Variants in TLE6 observed in about 807,000 individuals in gnomAD.
The protein encoded by TLE6 is transducin-like enhancer protein 6.
TLE6 carries 72 observed loss-of-function variants against 77.1 expected under a neutral mutation model. The ratio of observed to expected loss-of-function variants is 0.93; its 90% confidence interval spans 0.77 to 1.14. The LOEUF (loss-of-function observed/expected upper bound fraction) is 1.14. Ranked by LOEUF, TLE6 falls within the 50% of genes most tolerant of loss-of-function variation. The probability of loss-of-function intolerance (pLI) is 0.00; values close to 1 mark genes in which losing one functional copy is unlikely to be tolerated. For synonymous variants in TLE6, 366 were observed against 287.3 expected, an observed-to-expected ratio of 1.27 and a Z score of -2.77; for missense variants, 843 against 747.6, an observed-to-expected ratio of 1.13 and a Z score of -1.49.
At chr19:2,985,957 C>A (rs1248943670) in intron 5 of TLE6, among the ~76,000 whole-genome samples, 2 of 149,892 alleles carry the variant, frequency 1.3e-5, no homozygotes, top group East Asian at 4.1e-4. Context: ...CGCCTGTAAT[C>A]CAGCTACTTG....
Position 2,988,947 on chromosome 19 carries a change from G to A in TLE6, c.741-114G>A, listed in dbSNP as rs562024095. On this transcript the variant is annotated intron_variant, in intron 11 of 16. Coordinates refer to ENST00000246112, the MANE Select transcript of TLE6 (RefSeq NM_001143986.2). ...GAGTCTAGAGGGTAAAACAAGGCCT[G>A]AGAGAGGGACCCCAAAATCTGAAAA... 2.9e-4 allele frequency: 427 copies of A among 1,487,104 alleles called. 2 individuals carry two copies. The East Asian group carries it at 4.4e-3, about 15-fold the overall frequency. 92.1% of individuals were successfully genotyped at this position (1,487,104 alleles called of 1,614,324 possible). A position where few individuals can be genotyped will look rare whatever the true frequency, so the allele number is the denominator to read the frequency against.
chr19:2,991,433 T>TAA (rs1261877189), intron 13 of TLE6, among the ~76,000 whole-genome samples: 1 of 141,040 alleles, frequency 7.1e-6, no homozygotes, highest in Non-Finnish European at 1.5e-5. Context: ...CACATATATA[T>TAA]AATATATGTA....
intron 2 of TLE6, among the ~76,000 whole-genome samples, chr19:2,979,393 C>T (rs541272644): frequency 1.1e-4 from 17 of 151,834 alleles, no homozygotes; most frequent in South Asian, 2.1e-4. Context: ...ATTACAGGTG[C>T]GCGCCACCAC....
Position 2,995,060 on chromosome 19 carries a change from C to G in TLE6, c.*56C>G, listed in dbSNP as rs1568223523. The G allele has an allele frequency of 9.7e-7, 1 of 1,027,342 alleles. No individual in the cohort carries two copies. Among genetic ancestry groups the G allele is most frequent in the African/African-American group, 1.6e-5 (1 of 63,260 alleles). 63.6% of individuals were successfully genotyped at this position (1,027,342 alleles called of 1,614,324 possible). On this transcript the variant is annotated 3_prime_UTR_variant, in exon 17 of 17. Coordinates refer to ENST00000246112, the MANE Select transcript of TLE6 (RefSeq NM_001143986.2). ...TCCTCTTTTCATCCCCCCCCTTCCC[C>G]CCCCCCAACAAGGGGGACATGGTGG...
chr19:2,978,128 G>A lies in TLE6; in HGVS notation c.-36-70G>A, dbSNP rs8110576. ...AACTGGGAGGTGCGGGTGGGGTAAC[G>A]GGTGCCTTGCTTCCCTGGCACTGCC... On this transcript the variant is annotated intron_variant, in intron 1 of 16. Coordinates refer to ENST00000246112, the MANE Select transcript of TLE6 (RefSeq NM_001143986.2). 2,816 of 1,200,396 alleles carry A rather than the reference G, an allele frequency of 2.3e-3. 52 individuals are homozygous for A. The African/African-American group carries it at 0.036, about 15-fold the overall frequency. 74.4% of individuals were successfully genotyped at this position (1,200,396 alleles called of 1,614,324 possible).
intron 3 of TLE6, among the ~76,000 whole-genome samples, chr19:2,980,751 A>G (rs1164896598): frequency 6.9e-6 from 1 of 145,582 alleles, no homozygotes; most frequent in African/African-American, 2.6e-5. Flanking sequence ...AAAAAAAAAA[A>G]AAAAAAAGTA....
intron 16 of TLE6, among the ~76,000 whole-genome samples, 180 bp downstream of exon 16, chr19:2,994,275 A>C (rs1460906050): frequency 6.6e-6 from 1 of 152,086 alleles, no homozygotes; most frequent in African/African-American, 2.4e-5. Context: ...TAGGAGTTCG[A>C]GACCAGCCTG....
At chr19:2,981,732 A>G in intron 4 of TLE6, 149 bp downstream of exon 4, 2 of 868,320 alleles carry the variant, frequency 2.3e-6, no homozygotes, top group Non-Finnish European at 3.6e-6. Flanking sequence ...GCACTATGGG[A>G]GGGCGAGGCA....
At position 2,978,238 on chromosome 19, in the gene TLE6, C is replaced by A. The variant is rs1368101249; in HGVS notation, c.5C>A (p.Thr2Asn). 1 of 1,551,472 alleles carries A rather than the reference C, an allele frequency of 6.4e-7. No individual in the cohort carries two copies. The highest frequency in any genetic ancestry group is 8.7e-7 in the Non-Finnish European group (1 of 1,146,970). ...TTGGAGGCTACTGCCTTGAAGATGA[C>A]CTCTAGGGACCAGCCCAGACCCAAG... is the stretch of plus-strand genomic sequence containing the variant. M[T>N]SRDQPRPKGP... is the part of the protein sequence containing the mutation. The change falls in exon 2 of 17, where the codon ACC (threonine) becomes AAC (asparagine). Residue 2 changes from threonine (T) to asparagine (N), a missense_variant. Coordinates refer to ENST00000246112, the MANE Select transcript of TLE6 (RefSeq NM_001143986.2).
chr19:2,985,591 T>G (rs189301420), intron 5 of TLE6, among the ~76,000 whole-genome samples: 3,635 of 147,522 alleles, frequency 0.025, 150 homozygotes, highest in African/African-American at 0.084. Flanking sequence ...TTTTTTTTTT[T>G]TGTATTTTTA....
At chr19:2,977,888 C>A (rs1287519891) in intron 1 of TLE6, among the ~76,000 whole-genome samples, 1 of 152,134 alleles carries the variant, frequency 6.6e-6, no homozygotes, top group Non-Finnish European at 1.5e-5. Context: ...GCTTTGGCGA[C>A]CTTCCCTGGG....
chr19:2,988,092 A>T lies in TLE6; in HGVS notation c.704A>T (p.Glu235Val). 1 of 1,552,228 alleles carries T rather than the reference A, an allele frequency of 6.4e-7. No individual in the cohort carries two copies. Among genetic ancestry groups the T allele is most frequent in the South Asian group, 1.2e-5 (1 of 84,218 alleles). Reference sequence around the variant, plus strand: ...AGCTGTGATCTCCCCCGCCTGCAGGAGCCTCCTGGAAGAGCCTCTCGGTTT... The same window carrying T: ...AGCTGTGATCTCCCCCGCCTGCAGGTGCCTCCTGGAAGAGCCTCTCGGTTT... Reference protein sequence around the residue: ...DRNTSWGVVQEPPGRASRFLQ... With the variant: ...DRNTSWGVVQVPPGRASRFLQ... The change falls in exon 11 of 17, where the codon GAG (glutamate) becomes GTG (valine). Residue 235 changes from glutamate (E) to valine (V), a missense_variant and splice_region_variant. Glu to Val is a moderately radical substitution (Grantham distance 121). Coordinates refer to ENST00000246112, the MANE Select transcript of TLE6 (RefSeq NM_001143986.2).
intron 5 of TLE6, among the ~76,000 whole-genome samples, chr19:2,985,177 G>A (rs1308937900): frequency 6.6e-6 from 1 of 151,912 alleles, no homozygotes; most frequent in African/African-American, 2.4e-5. Context: ...TTTAACCCAG[G>A]AGGCAGAGGT....
chr19:2,984,124 C>G (rs2088856133), intron 5 of TLE6: 1 of 152,378 alleles, frequency 6.6e-6, no homozygotes, highest in East Asian at 1.9e-4. Context: ...CAGCACAGCC[C>G]CCTCCTCCGA....
At position 2,991,972 on chromosome 19, in the gene TLE6, A is replaced by G. The variant is rs1400389066; in HGVS notation, c.1374A>G (p.Gln458=). The G allele has an allele frequency of 9.3e-6, 15 of 1,613,734 alleles. No individual in the cohort carries two copies. Among genetic ancestry groups the G allele is most frequent in the African/African-American group, 1.3e-5 (1 of 74,990 alleles). ...CCATCATGAAACCTCTGGAGTACCA[A>G]TTCAAGTCTCAGGTGCGGAGGCCGG... ...QRTIMKPLEY[Q]FKSQIMSLSH... Residue 458 remains glutamine (Q), a synonymous_variant, in exon 14 of 17, where the codon CAA becomes CAG. Coordinates refer to ENST00000246112, the MANE Select transcript of TLE6 (RefSeq NM_001143986.2).
At chr19:2,985,457 G>A (rs1242614535) in intron 5 of TLE6, among the ~76,000 whole-genome samples, 7 of 140,492 alleles carry the variant, frequency 5.0e-5, no homozygotes, top group East Asian at 2.1e-4. Context: ...GCTGGAGTGC[G>A]GTGGCATCAT....
chr19:2,978,270 C>A lies in TLE6; in HGVS notation c.37C>A (p.Pro13Thr). 1 of 1,551,476 alleles carries A rather than the reference C, an allele frequency of 6.4e-7. No individual in the cohort carries two copies. Among genetic ancestry groups the A allele is most frequent in the Non-Finnish European group, 8.7e-7 (1 of 1,146,962 alleles). The change falls in exon 2 of 17, where the codon CCG becomes ACG. Residue 13 changes from proline (P) to threonine (T), a missense_variant. By Grantham distance (38) the Pro-to-Thr change is conservative. Coordinates refer to ENST00000246112, the MANE Select transcript of TLE6 (RefSeq NM_001143986.2). ...SRDQPRPKGP[P>T]KSTSPCPGIS... ...GGACCAGCCCAGACCCAAGGGCCCC[C>A]CGAAAAGCACTTCGGTGAGGAGGGC...
chr19:2,980,198 G>T lies in TLE6; in HGVS notation c.134+16G>T, dbSNP rs1255094797. On this transcript the variant is annotated intron_variant, in intron 3 of 16. Coordinates refer to ENST00000246112, the MANE Select transcript of TLE6 (RefSeq NM_001143986.2). ...AGTTCCCCAGGTGAGAGCAATTCCA[G>T]GGGCCGGAGGTCTCACGCTGGGAAG... 1.3e-6 allele frequency: 2 copies of T among 1,543,432 alleles called. No homozygotes were observed. The highest frequency in any genetic ancestry group is 1.2e-5 in the South Asian group (1 of 83,888).
At position 2,993,942 on chromosome 19, in the gene TLE6, AG is replaced by A. The variant is rs373807945; in HGVS notation, c.1538-75del. ...TCTCAAAAAAAAAAAAAAAAAAAAAAGGTGGGTGGGGAGGATGAACTCTGGG... is the reference window on the plus strand; with the variant it reads ...TCTCAAAAAAAAAAAAAAAAAAAAAAGTGGGTGGGGAGGATGAACTCTGGG... On this transcript the variant is annotated intron_variant, in intron 15 of 16. Coordinates refer to ENST00000246112, the MANE Select transcript of TLE6 (RefSeq NM_001143986.2). 1.1e-4 allele frequency: 86 copies of A among 810,000 alleles called. No individual in the cohort carries two copies. In the African/African-American group the frequency reaches 1.2e-3, roughly 12 times the overall value. 50.2% of individuals were successfully genotyped at this position (810,000 alleles called of 1,614,324 possible).
Sources: allele counts gnomAD v4.1 joint callset (sites outside exome capture counted in the v4.1 genomes callset), GRCh38; gene constraint gnomAD v4.1.1; transcripts MANE v1.5; gene names NCBI Gene and HGNC (gene_info 2026-07-23, HGNC 2026-07-21).